DERPC: variants seen among roughly 807,000 people sequenced by gnomAD.
DERPC encodes DERPC proline and glycine rich nuclear protein.
DERPC carries 1 observed loss-of-function variant against 7.2 expected under a neutral mutation model. That is an observed-to-expected ratio of 0.14 (90% CI 0.05 to 0.66). The LOEUF is 0.66. DERPC is among the 30% of genes least tolerant of loss of function. The pLI, the probability that DERPC is intolerant of heterozygous loss-of-function variation, is 0.84. For missense variants in DERPC, 502 were observed against 299.4 expected, an observed-to-expected ratio of 1.68 and a Z score of -4.99; for synonymous variants, 185 against 117.6, an observed-to-expected ratio of 1.57 and a Z score of -3.71.
At chr16:69,132,302 C>G (rs1245061067) in intron 1 of DERPC, among the ~76,000 whole-genome samples, 182 bp downstream of exon 1, 1 of 143,934 alleles carries the variant, frequency 6.9e-6, no homozygotes, top group Non-Finnish European at 1.5e-5. Flanking sequence ...CCGCCCTCCC[C>G]CTTCCCGGCC....
At chr16:69,121,022 G>A (rs374980205) in intron 2 of DERPC, 25 of 1,573,538 alleles carry the variant, frequency 1.6e-5, no homozygotes, top group Non-Finnish European at 1.9e-5. Context: ...CTTTCCTGAG[G>A]CATTAGGCAG....
In DERPC at chr16:69,120,677, GA is replaced by G; in HGVS notation, c.-221-29del. 1.3e-6 allele frequency: 2 copies of G among 1,588,346 alleles called. No individual in the cohort carries two copies. Among genetic ancestry groups the G allele is most frequent in the Non-Finnish European group, 1.7e-6 (2 of 1,160,586 alleles). ...TTGGCAGAACAAGAACGAGATTCCT[GA>G]GGTTCCGGGGCAAGGCCATAACACT... On this transcript the variant is annotated intron_variant, in intron 2 of 2. Coordinates refer to ENST00000519520, the MANE Select transcript of DERPC (RefSeq NM_001002847.4). This position sits in a 1 kb window ranked among gnomAD's most constrained non-coding sequence, Gnocchi z 4.0.
At chr16:69,121,671 G>GTTT (rs893564251) in intron 1 of DERPC, among the ~76,000 whole-genome samples, 178 bp from the exon 2 acceptor site, 1 of 141,258 alleles carries the variant, frequency 7.1e-6, no homozygotes. Flanking sequence ...TAGAGATGGG[G>GTTT]TTTTTTTTTT....
intron 1 of DERPC, among the ~76,000 whole-genome samples, chr16:69,125,556 A>G (rs188670207): frequency 3.9e-5 from 6 of 152,358 alleles, no homozygotes; most frequent in African/African-American, 1.4e-4. Context: ...AGTATATGCA[A>G]TAGCTGGTCA....
At chr16:69,121,932 G>A (rs1961703555) in intron 1 of DERPC, among the ~76,000 whole-genome samples, 1 of 152,120 alleles carries the variant, frequency 6.6e-6, no homozygotes, top group Non-Finnish European at 1.5e-5. Flanking sequence ...GCCTCCCAAA[G>A]TGCTGGGATT....
intron 1 of DERPC, among the ~76,000 whole-genome samples, chr16:69,124,250 G>A (rs1310886106): frequency 6.6e-6 from 1 of 152,162 alleles, no homozygotes; most frequent in Admixed American, 6.5e-5. Flanking sequence ...TAGATTCATG[G>A]GGGGCTGATA....
chr16:69,119,896 C>G lies in DERPC; in HGVS notation c.533G>C (p.Gly178Ala), dbSNP rs1961494047. The change falls in exon 3 of 3, where the codon GGC (glycine) becomes GCC (alanine). Residue 178 changes from glycine (G) to alanine (A), a missense_variant. Transcript: ENST00000519520. ...GPDPRGGGPM[G>A]PGSGPNLRAG... Reference sequence around the variant, plus strand: ...TCTCAGGTTAGGTCCAGATCCAGGGCCCATGGGACCACCACCTCTGGGGTC... The same window carrying G: ...TCTCAGGTTAGGTCCAGATCCAGGGGCCATGGGACCACCACCTCTGGGGTC... 1 of 702,044 alleles carries G rather than the reference C, an allele frequency of 1.4e-6. No individual in the cohort carries two copies. The highest frequency in any genetic ancestry group is 1.7e-5 in the African/African-American group (1 of 57,240). 43.5% of individuals were successfully genotyped at this position (702,044 alleles called of 1,614,324 possible).
intron 1 of DERPC, among the ~76,000 whole-genome samples, chr16:69,127,579 A>T (rs1306366270): frequency 6.7e-6 from 1 of 149,914 alleles, no homozygotes; most frequent in Non-Finnish European, 1.5e-5. Flanking sequence ...AAAGAGAGTC[A>T]GTGGAAGAGC....
chr16:69,118,182 T>TTGA lies in DERPC; in HGVS notation c.*669_*671dup. On this transcript the variant is annotated 3_prime_UTR_variant, in exon 3 of 3. Transcript: ENST00000519520. The stretch of plus-strand genomic sequence containing the variant: ...ACATCAGTTTAAATTTTGAGGTTCT[T>TTGA]TGATTGATTGGGAGTACCAGTGAAG... 1 of 590,440 alleles carries TTGA rather than the reference T, an allele frequency of 1.7e-6. No individual in the cohort carries two copies. Among genetic ancestry groups the TTGA allele is most frequent in the South Asian group, 2.0e-5 (1 of 49,200 alleles). 36.6% of individuals were successfully genotyped at this position (590,440 alleles called of 1,614,324 possible).
At chr16:69,123,476 G>T (rs1253082942) in intron 1 of DERPC, among the ~76,000 whole-genome samples, 1 of 151,788 alleles carries the variant, frequency 6.6e-6, no homozygotes, top group Admixed American at 6.6e-5. Context: ...GGCCAACACG[G>T]TGAAACCCAG....
At chr16:69,131,459 A>T (rs1962508350) in intron 1 of DERPC, 1 of 147,370 alleles carries the variant, frequency 6.8e-6, no homozygotes, top group Non-Finnish European at 1.5e-5. Flanking sequence ...CCCGGCGTAG[A>T]GTCTCCCTCT....
chr16:69,119,208 G>A lies in DERPC; in HGVS notation c.1221C>T (p.Gly407=), dbSNP rs1322871027. ...CCCTTGGGAAGTTAGCTGGGTTGGGGCCAAGTGGCCCAGAGGCTCTTGGGA... is the reference window on the plus strand; with the variant it reads ...CCCTTGGGAAGTTAGCTGGGTTGGGACCAAGTGGCCCAGAGGCTCTTGGGA... ...TIFPRASGPL[G]PNPANFPRAT... is the part of the protein sequence containing the mutation. The change falls in exon 3 of 3, where the codon GGC becomes GGT. Residue 407 remains glycine (G), a synonymous_variant. Coordinates refer to ENST00000519520, the MANE Select transcript of DERPC (RefSeq NM_001002847.4). 1.4e-6 allele frequency: 1 copy of A among 703,050 alleles called. No homozygotes were observed. Among genetic ancestry groups the A allele is most frequent in the Admixed American group, 2.0e-5 (1 of 50,028 alleles). The allele number at this position is 703,050 out of a possible 1,614,324, so 43.6% of individuals were successfully genotyped here.
At chr16:69,126,226 C>A (rs1962046768) in intron 1 of DERPC, among the ~76,000 whole-genome samples, 1 of 152,182 alleles carries the variant, frequency 6.6e-6, no homozygotes, top group South Asian at 2.1e-4. Flanking sequence ...GGAGACAGAG[C>A]CTACTTCCTG....
intron 1 of DERPC, among the ~76,000 whole-genome samples, chr16:69,130,633 C>G (rs886441186): frequency 3.9e-5 from 6 of 152,312 alleles, no homozygotes; most frequent in Middle Eastern, 3.4e-3. Context: ...TTTTGAAAGG[C>G]TGTTGCAAGA....
At chr16:69,130,800 C>T (rs563634110) in intron 1 of DERPC, among the ~76,000 whole-genome samples, 2 of 152,104 alleles carry the variant, frequency 1.3e-5, no homozygotes, top group Non-Finnish European at 2.9e-5. Context: ...ATGTTTATAA[C>T]GGACTAAAGC....
chr16:69,125,829 T>C (rs868385771), intron 1 of DERPC, among the ~76,000 whole-genome samples: 1 of 152,238 alleles, frequency 6.6e-6, no homozygotes, highest in African/African-American at 2.4e-5. Flanking sequence ...CTTTACTGTG[T>C]AGTCAAGAAC....
chr16:69,119,142 C>G lies in DERPC; in HGVS notation c.1287G>C (p.Arg429Ser). The G allele has an allele frequency of 1.4e-6, 1 of 703,064 alleles. No individual in the cohort carries two copies. Among genetic ancestry groups the G allele is most frequent in the South Asian group, 1.5e-5 (1 of 67,580 alleles). The allele number at this position is 703,064 out of a possible 1,614,324, so 43.6% of individuals were successfully genotyped here. ...LQGPSPTTFP[R>S]STGPLGPGQV... ...GACCAGGGCCTAATGGGCCAGTAGA[C>G]CTTGGGAAGGTAGTTGGACTTGGAC... Residue 429 changes from arginine (R) to serine (S), a missense_variant, in exon 3 of 3, where the codon AGG becomes AGC. By Grantham distance (110) the Arg-to-Ser change is moderately radical. Transcript: ENST00000519520.
Position 69,121,508 on chromosome 16 carries a change from A to AG in DERPC, c.-279-16_-279-15insC. ...GTGAAAACAAGCTGTAGAGAGAAAA[A>AG]AAGAGATTTAGGGTAATAACAACAA... On this transcript the variant is annotated splice_polypyrimidine_tract_variant and intron_variant, in intron 1 of 2. Transcript: ENST00000519520. The AG allele has an allele frequency of 2.6e-6, 4 of 1,519,946 alleles. No individual in the cohort carries two copies. The highest frequency in any genetic ancestry group is 3.6e-6 in the Non-Finnish European group (4 of 1,112,730). 94.2% of individuals were successfully genotyped at this position (1,519,946 alleles called of 1,614,324 possible).
In DERPC at chr16:69,120,299, G is replaced by C; in HGVS notation, c.130C>G (p.Leu44Val). 1 of 874,074 alleles carries C rather than the reference G, an allele frequency of 1.1e-6. No homozygotes were observed. 54.1% of individuals were successfully genotyped at this position (874,074 alleles called of 1,614,324 possible). A position where few individuals can be genotyped will look rare whatever the true frequency, so the allele number is the denominator to read the frequency against. ...AGGAAGGGATCCGAGTTCACACCCAGTGGGTGGCCTGTGTTCAGAACAGGA... is the reference window on the plus strand; with the variant it reads ...AGGAAGGGATCCGAGTTCACACCCACTGGGTGGCCTGTGTTCAGAACAGGA... Reference protein sequence around the residue: ...GGPVLNTGHPLGVNSDPFLMA... With the variant: ...GGPVLNTGHPVGVNSDPFLMA... The change falls in exon 3 of 3, where the codon CTG becomes GTG. Residue 44 changes from leucine to valine, a missense_variant. Coordinates refer to ENST00000519520, the MANE Select transcript of DERPC (RefSeq NM_001002847.4). This position sits in a 1 kb window ranked among gnomAD's most constrained non-coding sequence, Gnocchi z 4.0.
Sources: gnomAD v4.1 joint callset for allele counts (sites outside exome capture counted in the v4.1 genomes callset) on GRCh38, gnomAD v4.1.1 for gene constraint, Gnocchi (gnomAD v3.1) non-coding constraint, MANE v1.5 for transcripts, NCBI Gene and HGNC (gene_info 2026-07-23, HGNC 2026-07-21) for gene names.